SH3KBP1: variants seen among roughly 807,000 people sequenced by gnomAD.
The protein encoded by SH3KBP1 is SH3 domain containing kinase binding protein 1.
A neutral mutation model predicts 50.1 loss-of-function variants in SH3KBP1; 8 were observed. That is an observed-to-expected ratio of 0.16 (90% CI 0.09 to 0.29). The LOEUF is 0.29. SH3KBP1 is among the 10% of genes least tolerant of loss of function. The pLI is 1.00. For missense variants in SH3KBP1, 377 were observed against 535.2 expected, an observed-to-expected ratio of 0.70 and a Z score of 2.92; for synonymous variants, 227 against 218.6, an observed-to-expected ratio of 1.04 and a Z score of -0.34.
At chrX:19,879,042 G>A (rs12007550) in intron 1 of SH3KBP1, among the ~76,000 whole-genome samples, 2,482 of 112,024 alleles carry the variant, frequency 0.022, 46 homozygotes, top group African/African-American at 0.065. Context: ...CCAGGAGTTC[G>A]AGACCAGCCT....
At chrX:19,572,443 G>A (rs748619581) in intron 12 of SH3KBP1, among the ~76,000 whole-genome samples, 1 of 105,050 alleles carries the variant, frequency 9.5e-6, no homozygotes, top group African/African-American at 3.5e-5. Flanking sequence ...ATGTTATATA[G>A]TACATGTTAT....
At chrX:19,627,835 G>A (rs1471560053) in intron 8 of SH3KBP1, among the ~76,000 whole-genome samples, 1 of 112,344 alleles carries the variant, frequency 8.9e-6, no homozygotes, top group African/African-American at 3.2e-5. Context: ...CAAAGTAAAT[G>A]TCAGAGGAAT....
intron 13 of SH3KBP1, among the ~76,000 whole-genome samples, chrX:19,566,017 C>A (rs1169501674): frequency 9.5e-6 from 1 of 104,849 alleles, no homozygotes; most frequent in South Asian, 4.4e-4. Flanking sequence ...CTTTGTCTCC[C>A]GGGTTCAAGC....
intron 2 of SH3KBP1, among the ~76,000 whole-genome samples, chrX:19,821,448 T>C (rs2067523282): frequency 8.9e-6 from 1 of 111,922 alleles, no homozygotes; most frequent in Non-Finnish European, 1.9e-5. Context: ...CTACTATACA[T>C]ACTCCCTATT....
chrX:19,616,888 T>C (rs2067631658), intron 8 of SH3KBP1, among the ~76,000 whole-genome samples: 1 of 111,696 alleles, frequency 9.0e-6, no homozygotes, highest in Non-Finnish European at 1.9e-5. Flanking sequence ...TGGTGATCTC[T>C]GGGATATCCA....
intron 13 of SH3KBP1, among the ~76,000 whole-genome samples, chrX:19,561,754 G>A (rs747974666): frequency 9.3e-6 from 1 of 107,723 alleles, no homozygotes; most frequent in South Asian, 4.0e-4. Context: ...GATGGCATTT[G>A]TTTATTTTGA....
chrX:19,682,024 G>C (rs1377780591), intron 6 of SH3KBP1, among the ~76,000 whole-genome samples: 1 of 110,887 alleles, frequency 9.0e-6, no homozygotes, highest in African/African-American at 3.3e-5. Flanking sequence ...GGGACAACCT[G>C]AGGGTTTCTG....
chrX:19,826,670 G>C (rs1054527123), intron 2 of SH3KBP1, among the ~76,000 whole-genome samples: 17 of 107,503 alleles, frequency 1.6e-4, no homozygotes, highest in South Asian at 8.0e-4. Flanking sequence ...GCTATGGAAG[G>C]AGACACTGTC....
Position 19,645,468 on chromosome X carries a change from C to G in SH3KBP1, c.734G>C (p.Gly245Ala). 1 of 1,188,182 alleles carries G rather than the reference C, an allele frequency of 8.4e-7. No homozygotes were observed. Among genetic ancestry groups the G allele is most frequent in the Non-Finnish European group, 1.1e-6 (1 of 874,668 alleles). Residue 245 changes from glycine (G) to alanine (A), a missense_variant, in exon 7 of 18, where the codon GGG (glycine) becomes GCG (alanine). Physicochemically the swap from Gly to Ala is moderately conservative, Grantham distance 60. Around this residue, in one of 3 missense-constraint regions of SH3KBP1, gnomAD observed 257 missense variants for 374.2 expected, o/e 0.69. Transcript: ENST00000397821. Reference protein sequence around the residue: ...NDFLPVEKTIGKKLPATTATP... With the variant: ...NDFLPVEKTIAKKLPATTATP... ...TGCTGTAGTTGCAGGTAACTTCTTC[C>G]CAATAGTCTGAGGGGAAAAACAGAT...
chrX:19,776,044 A>T (rs1167012777), intron 2 of SH3KBP1, among the ~76,000 whole-genome samples: 1 of 111,582 alleles, frequency 9.0e-6, no homozygotes, highest in Non-Finnish European at 1.9e-5. Context: ...AAATGTGACT[A>T]GCCCAAAGGA....
intron 2 of SH3KBP1, among the ~76,000 whole-genome samples, chrX:19,824,557 C>T (rs2067620349): frequency 9.0e-6 from 1 of 111,558 alleles, no homozygotes; most frequent in Non-Finnish European, 1.9e-5. Flanking sequence ...GCTGTGGGAG[C>T]CCCAAGCTTA....
chrX:19,707,782 C>A (rs1477977956), intron 3 of SH3KBP1, among the ~76,000 whole-genome samples: 2 of 112,091 alleles, frequency 1.8e-5, no homozygotes, highest in African/African-American at 6.5e-5. Context: ...CATATCCACA[C>A]CACAGATGTG....
At chrX:19,699,223 CA>C (rs2063489794) in intron 4 of SH3KBP1, among the ~76,000 whole-genome samples, 1 of 112,368 alleles carries the variant, frequency 8.9e-6, no homozygotes, top group African/African-American at 3.2e-5. Flanking sequence ...AGAGCCTGAA[CA>C]GCCCCTGCTT....
At chrX:19,806,277 G>A (rs1401748568) in intron 2 of SH3KBP1, among the ~76,000 whole-genome samples, 1 of 111,713 alleles carries the variant, frequency 9.0e-6, no homozygotes, top group Non-Finnish European at 1.9e-5. Flanking sequence ...AGCACTTTGG[G>A]AGGCTGAGGC....
chrX:19,722,714 G>A (rs1194723940), intron 3 of SH3KBP1, among the ~76,000 whole-genome samples: 2 of 109,027 alleles, frequency 1.8e-5, no homozygotes. Flanking sequence ...TGCCTGGAGG[G>A]ATTGCCTGAC....
intron 12 of SH3KBP1, among the ~76,000 whole-genome samples, chrX:19,570,154 G>T (rs1032934088): frequency 1.8e-5 from 2 of 111,858 alleles, no homozygotes; most frequent in African/African-American, 6.5e-5. Flanking sequence ...TCAGAGGTGT[G>T]CCTACTCTGG....
At chrX:19,580,510 C>T (rs1222027196) in intron 12 of SH3KBP1, among the ~76,000 whole-genome samples, 1 of 111,460 alleles carries the variant, frequency 9.0e-6, no homozygotes, top group Non-Finnish European at 1.9e-5. Flanking sequence ...GTCCCTGGCT[C>T]TCGAGATGGC....
At chrX:19,600,509 CAGG>C (rs1312750427) in intron 9 of SH3KBP1, among the ~76,000 whole-genome samples, 1 of 112,299 alleles carries the variant, frequency 8.9e-6, no homozygotes, top group African/African-American at 3.2e-5. Flanking sequence ...AAATTCATCA[CAGG>C]AGTTCACTAT....
chrX:19,841,543 T>C (rs1374034757), intron 1 of SH3KBP1, among the ~76,000 whole-genome samples: 1 of 112,323 alleles, frequency 8.9e-6, no homozygotes, highest in Non-Finnish European at 1.9e-5. Flanking sequence ...TTCTGTGAAT[T>C]CTGAAGAATA....
Sources: allele counts gnomAD v4.1 joint callset (sites outside exome capture counted in the v4.1 genomes callset), GRCh38; gene constraint gnomAD v4.1.1; regional missense constraint gnomAD v4.1.1; transcripts MANE v1.5; gene names NCBI Gene and HGNC (gene_info 2026-07-23, HGNC 2026-07-21).